The following PIK3CD variants were observed in gnomAD, a reference collection of about 807,000 sequenced individuals.
PIK3CD encodes the protein phosphatidylinositol 4,5-bisphosphate 3-kinase catalytic subunit delta isoform.
PIK3CD carries 20 observed loss-of-function variants against 122.9 expected under a neutral mutation model. The observed-to-expected ratio is 0.16, with a 90% CI of 0.11 to 0.24. PIK3CD has a LOEUF of 0.24. Ranked by LOEUF, PIK3CD falls within the 10% of genes least tolerant of loss-of-function variation. The pLI is 1.00. For missense variants in PIK3CD, 787 were observed against 1,406.3 expected, an observed-to-expected ratio of 0.56 and a Z score of 7.04; for synonymous variants, 596 against 593.4, an observed-to-expected ratio of 1.00 and a Z score of -0.06.
At chr1:9,648,824 G>T (rs533530473), upstream of PIK3CD, among the ~76,000 whole-genome samples, 2 of 152,344 alleles carry the variant, frequency 1.3e-5, no homozygotes, top group South Asian at 4.1e-4. Flanking sequence ...GGACCAGGCC[G>T]GGCGCAGTGG....
At chr1:9,659,665 T>A (rs1301877803) in intron 1 of PIK3CD, among the ~76,000 whole-genome samples, 1 of 152,238 alleles carries the variant, frequency 6.6e-6, no homozygotes, top group Non-Finnish European at 1.5e-5. Flanking sequence ...ATTTAGCATG[T>A]TTCTTGAAGC....
chr1:9,633,833 A>C, the PIK3CD span, among the ~76,000 whole-genome samples: 2 of 152,128 alleles, frequency 1.3e-5, no homozygotes, highest in African/African-American at 4.8e-5. Flanking sequence ...ACTGGACAAT[A>C]GGAGATACCA....
chr1:9,647,809 C>G (rs1000088267), upstream of PIK3CD, among the ~76,000 whole-genome samples: 1 of 152,050 alleles, frequency 6.6e-6, no homozygotes, highest in Admixed American at 6.6e-5. Flanking sequence ...AATTGGGAGT[C>G]CCTCAGAACC....
intron 2 of PIK3CD, among the ~76,000 whole-genome samples, chr1:9,699,756 T>C (rs1421510196): frequency 1.3e-5 from 2 of 152,148 alleles, no homozygotes; most frequent in Non-Finnish European, 2.9e-5. Context: ...GCCTGGCTAA[T>C]TTTTTTGTAT....
chr1:9,697,013 G>C (rs913476132), intron 2 of PIK3CD, among the ~76,000 whole-genome samples: 1 of 147,780 alleles, frequency 6.8e-6, no homozygotes, highest in African/African-American at 2.5e-5. Context: ...GCAGTGAGCT[G>C]TACTTGTGAC....
At chr1:9,696,236 T>C (rs1254223395) in intron 2 of PIK3CD, among the ~76,000 whole-genome samples, 1 of 151,902 alleles carries the variant, frequency 6.6e-6, no homozygotes, top group Non-Finnish European at 1.5e-5. Context: ...CCTCCCAAAG[T>C]GCTAGGATTA....
At position 9,723,010 on chromosome 1, in the gene PIK3CD, T is replaced by C; in HGVS notation, c.2427-115T>C. On this transcript the variant is annotated intron_variant, in intron 19 of 23. Transcript: ENST00000377346. This position sits in a 1 kb window ranked among gnomAD's most constrained non-coding sequence, Gnocchi z 4.9. ...ATCTCTCACCTGCTTTTTAGCAATGTGGGCAGCAGCATCTTCTGTGGCTTT... is the reference window on the plus strand; with the variant it reads ...ATCTCTCACCTGCTTTTTAGCAATGCGGGCAGCAGCATCTTCTGTGGCTTT... The C allele has an allele frequency of 6.8e-6, 7 of 1,029,710 alleles. No homozygotes were observed. Among genetic ancestry groups the C allele is most frequent in the East Asian group, 2.4e-5 (1 of 42,142 alleles). 63.8% of individuals were successfully genotyped at this position (1,029,710 alleles called of 1,614,324 possible).
intron 1 of PIK3CD, among the ~76,000 whole-genome samples, chr1:9,659,766 T>C (rs1644958956): frequency 6.6e-6 from 1 of 152,184 alleles, no homozygotes; most frequent in African/African-American, 2.4e-5. Flanking sequence ...TTTTCTTTTT[T>C]TGAGACAGTG....
rs1644677616 is a variant in PIK3CD, at chr1:9,651,778, C to T, written c.-162C>T. ...CCGAGCGGCCGCGAGCAGAGCCGCC[C>T]AGCCCTGCCAGCTGCGCCGGGACGG... On this transcript the variant is annotated 5_prime_UTR_variant, in exon 1 of 24. Transcript: ENST00000377346. 1 of 152,028 alleles carries T rather than the reference C, an allele frequency of 6.6e-6. No homozygotes were observed. Among genetic ancestry groups the T allele is most frequent in the Non-Finnish European group, 1.5e-5 (1 of 67,938 alleles). The allele number at this position is 152,028 out of a possible 1,614,324, so 9.4% of individuals were successfully genotyped here.
the PIK3CD span, among the ~76,000 whole-genome samples, chr1:9,641,235 G>A: frequency 6.6e-6 from 1 of 152,190 alleles, no homozygotes; most frequent in Admixed American, 6.5e-5. Flanking sequence ...CTTGCTGGAT[G>A]AATCAGTGTT....
intron 6 of PIK3CD, 59 bp from the exon 7 acceptor site, chr1:9,716,900 G>A: frequency 3.7e-6 from 6 of 1,610,666 alleles, no homozygotes; most frequent in Non-Finnish European, 3.4e-6. Context: ...TGGGAATCCT[G>A]GTGTCCAGGG....
At chr1:9,701,719 C>T (rs1040116619) in intron 2 of PIK3CD, among the ~76,000 whole-genome samples, 17 of 150,062 alleles carry the variant, frequency 1.1e-4, no homozygotes, top group African/African-American at 3.9e-4. Flanking sequence ...CAATTATGTT[C>T]ACAAGATGAA....
rs1201889083 is a variant in PIK3CD at position 9,722,792 on chromosome 1, C to T, written c.2426+186C>T. 1.3e-5 allele frequency among the ~76,000 whole-genome samples: 2 copies of T among 152,142 alleles called. No individual in the cohort carries two copies. Among genetic ancestry groups the T allele is most frequent in the African/African-American group, 2.4e-5 (1 of 41,428 alleles). ...CGGGCAGCAGGATGCGTGAAGGCTG[C>T]TCCTGAGGCTTAGTGTGTACCCTGC... On this transcript the variant is annotated intron_variant, in intron 19 of 23. Transcript: ENST00000377346. This position sits in a 1 kb window ranked among gnomAD's most constrained non-coding sequence, Gnocchi z 7.6.
At chr1:9,628,500 C>T in the PIK3CD span, among the ~76,000 whole-genome samples, 7 of 152,178 alleles carry the variant, frequency 4.6e-5, no homozygotes, top group South Asian at 2.1e-4. Context: ...AGTTGAGCAC[C>T]GGCCTCCGCT....
At chr1:9,658,800 G>A (rs1644932773) in intron 1 of PIK3CD, among the ~76,000 whole-genome samples, 1 of 152,124 alleles carries the variant, frequency 6.6e-6, no homozygotes, top group African/African-American at 2.4e-5. Flanking sequence ...AAAGTGCTGG[G>A]CCTGGCCACC....
intron 1 of PIK3CD, among the ~76,000 whole-genome samples, chr1:9,667,739 C>CT (rs367559680): frequency 0.021 from 2,835 of 136,958 alleles, 86 homozygotes; most frequent in African/African-American, 0.068. Context: ...TTTTCTTTTT[C>CT]TTTTTTTTTT....
At chr1:9,711,390 C>T (rs1003426825) in intron 3 of PIK3CD, among the ~76,000 whole-genome samples, 3 of 152,120 alleles carry the variant, frequency 2.0e-5, no homozygotes, top group Non-Finnish European at 2.9e-5. Context: ...TCACCGCGCC[C>T]GACCCAAAAG....
At chr1:9,640,983 G>C in the PIK3CD span, among the ~76,000 whole-genome samples, 349 of 152,282 alleles carry the variant, frequency 2.3e-3, 10 homozygotes, top group East Asian at 0.062. Context: ...TCCGTGCTCA[G>C]CTCCAGTGTC....
At chr1:9,648,633 C>T (rs1644629141), upstream of PIK3CD, among the ~76,000 whole-genome samples, 1 of 152,196 alleles carries the variant, frequency 6.6e-6, no homozygotes, top group Non-Finnish European at 1.5e-5. Flanking sequence ...GCTCAGTAAT[C>T]TGAGCCTGGG....
Sources: gnomAD v4.1 joint callset for allele counts (sites outside exome capture counted in the v4.1 genomes callset) on GRCh38, gnomAD v4.1.1 for gene constraint, Gnocchi (gnomAD v3.1) non-coding constraint, MANE v1.5 for transcripts, NCBI Gene and HGNC (gene_info 2026-07-23, HGNC 2026-07-21) for gene names.